The following PPARGC1A variants were observed in gnomAD, a reference collection of about 807,000 sequenced individuals.
The protein encoded by PPARGC1A is peroxisome proliferator-activated receptor gamma coactivator 1-alpha.
Under a neutral mutation model 88.7 loss-of-function variants are expected in PPARGC1A, and 25 were observed. That is an observed-to-expected ratio of 0.28 (90% CI 0.21 to 0.39). The LOEUF (loss-of-function observed/expected upper bound fraction) is 0.39, where lower values mean the gene tolerates loss of function less well. PPARGC1A is among the 10% of genes least tolerant of loss of function. The pLI is 1.00. For synonymous variants in PPARGC1A, 363 were observed against 355.6 expected, an observed-to-expected ratio of 1.02 and a Z score of -0.24; for missense variants, 880 against 968.7, an observed-to-expected ratio of 0.91 and a Z score of 1.22.
At chr4:24,372,824 T>C in the PPARGC1A span, among the ~76,000 whole-genome samples, 1 of 152,220 alleles carries the variant, frequency 6.6e-6, no homozygotes, top group African/African-American at 2.4e-5. Flanking sequence ...AGAGTGAATG[T>C]ATACAAAGTA....
chr4:24,004,969 C>T, the PPARGC1A span, among the ~76,000 whole-genome samples: 830 of 152,222 alleles, frequency 5.5e-3, 37 homozygotes, highest in East Asian at 0.088. Context: ...ACTAACTTAC[C>T]TCATCCCTTT....
the PPARGC1A span, among the ~76,000 whole-genome samples, chr4:24,393,945 C>A: frequency 6.6e-6 from 1 of 152,040 alleles, no homozygotes; most frequent in African/African-American, 2.4e-5. Flanking sequence ...ATAGCAAGAC[C>A]CTGTTTCTAC....
At chr4:23,918,782 A>G in the PPARGC1A span, among the ~76,000 whole-genome samples, 3 of 152,206 alleles carry the variant, frequency 2.0e-5, no homozygotes, top group African/African-American at 7.2e-5. Flanking sequence ...AAAAAGTAAT[A>G]ATGATTTGAT....
chr4:24,023,543 A>G, the PPARGC1A span, among the ~76,000 whole-genome samples: 1 of 152,216 alleles, frequency 6.6e-6, no homozygotes, highest in Non-Finnish European at 1.5e-5. Context: ...CCGCAAGGAT[A>G]TAGTAGTTGA....
chr4:23,926,102 G>T, the PPARGC1A span, among the ~76,000 whole-genome samples: 9 of 152,054 alleles, frequency 5.9e-5, no homozygotes, highest in Non-Finnish European at 1.0e-4. Context: ...TCTGTTTTCA[G>T]CCCACTTTGC....
At position 23,863,259 on chromosome 4, in the gene PPARGC1A, G is replaced by A. The variant is rs535775052; in HGVS notation, c.234+21493C>T. 9.2e-5 allele frequency among the ~76,000 whole-genome samples: 14 copies of A among 152,204 alleles called. 1 individual carries two copies. The South Asian group carries it at 2.9e-3, about 32-fold the overall frequency. On this transcript the variant is annotated intron_variant, in intron 2 of 12. Coordinates refer to ENST00000264867, the MANE Select transcript of PPARGC1A (RefSeq NM_013261.5). ...CAACAGCTTCCTCACCAGGCCCCTG[G>A]TTGCAAGCTCTAAGATAACCTTTCT...
the PPARGC1A span, among the ~76,000 whole-genome samples, chr4:24,143,773 G>T: frequency 6.6e-6 from 1 of 152,166 alleles, no homozygotes; most frequent in Non-Finnish European, 1.5e-5. Context: ...AAATAACACA[G>T]ACATGGCCCC....
the PPARGC1A span, among the ~76,000 whole-genome samples, chr4:24,304,798 A>C: frequency 1.3e-5 from 2 of 152,138 alleles, no homozygotes; most frequent in Non-Finnish European, 2.9e-5. Flanking sequence ...CCTTCATTAT[A>C]AGGAAGGTAT....
intron 10 of PPARGC1A, among the ~76,000 whole-genome samples, chr4:23,812,033 T>C (rs1417829124): frequency 2.0e-5 from 3 of 149,190 alleles, no homozygotes; most frequent in African/African-American, 4.9e-5. Flanking sequence ...TTCTCCTGCC[T>C]CAGCCTCCCT....
chr4:24,287,848 C>T, the PPARGC1A span, among the ~76,000 whole-genome samples: 1 of 152,140 alleles, frequency 6.6e-6, no homozygotes, highest in Non-Finnish European at 1.5e-5. Context: ...AAAGACGGCT[C>T]CTGACCTGTC....
chr4:23,825,755 G>T (rs958750665), intron 5 of PPARGC1A, among the ~76,000 whole-genome samples: 3 of 152,042 alleles, frequency 2.0e-5, no homozygotes, highest in Admixed American at 6.6e-5. Flanking sequence ...ACAGTTGAAT[G>T]GTATATCATA....
chr4:24,053,956 A>G, the PPARGC1A span, among the ~76,000 whole-genome samples: 1 of 152,232 alleles, frequency 6.6e-6, no homozygotes, highest in Non-Finnish European at 1.5e-5. Flanking sequence ...TGCTGCTTTA[A>G]TCATCAGAAC....
chr4:24,323,954 CTCTCT>C, the PPARGC1A span, among the ~76,000 whole-genome samples: 3 of 152,236 alleles, frequency 2.0e-5, no homozygotes, highest in African/African-American at 7.2e-5. Context: ...ACTTCAATCT[CTCTCT>C]TCTCTTAATT....
At chr4:24,180,163 T>C in the PPARGC1A span, among the ~76,000 whole-genome samples, 1 of 152,212 alleles carries the variant, frequency 6.6e-6, no homozygotes, top group Non-Finnish European at 1.5e-5. Context: ...TGTATAACAT[T>C]ACATTTTTAA....
the PPARGC1A span, among the ~76,000 whole-genome samples, chr4:24,037,388 T>C: frequency 6.6e-6 from 1 of 152,166 alleles, no homozygotes; most frequent in Non-Finnish European, 1.5e-5. Context: ...ATTAATTACA[T>C]TTGAGTTAGC....
At chr4:24,440,478 G>A in the PPARGC1A span, among the ~76,000 whole-genome samples, 4 of 152,144 alleles carry the variant, frequency 2.6e-5, 1 homozygote, top group African/African-American at 7.2e-5. Flanking sequence ...GCCTCCCACC[G>A]ACATATTTAT....
At chr4:24,387,729 C>G in the PPARGC1A span, among the ~76,000 whole-genome samples, 1 of 116,620 alleles carries the variant, frequency 8.6e-6, no homozygotes, top group African/African-American at 3.4e-5. Context: ...GAGTGAGATT[C>G]CATCAAGAAA....
At chr4:24,188,884 A>G in the PPARGC1A span, among the ~76,000 whole-genome samples, 1 of 152,156 alleles carries the variant, frequency 6.6e-6, no homozygotes, top group Non-Finnish European at 1.5e-5. Context: ...CTAAAAGGTG[A>G]ACACAAACCA....
the PPARGC1A span, among the ~76,000 whole-genome samples, chr4:24,325,101 C>CA: frequency 6.6e-6 from 1 of 152,268 alleles, no homozygotes; most frequent in Admixed American, 6.5e-5. Flanking sequence ...TCCTTTATCC[C>CA]AAATCAGATA....
Sources: allele counts gnomAD v4.1 joint callset (sites outside exome capture counted in the v4.1 genomes callset), GRCh38; gene constraint gnomAD v4.1.1; transcripts MANE v1.5; gene names NCBI Gene and HGNC (gene_info 2026-07-23, HGNC 2026-07-21).